Variants in RSRP1 observed in about 807,000 individuals in gnomAD.
The protein encoded by RSRP1 is arginine/serine-rich protein 1.
RSRP1 carries 37 observed loss-of-function variants against 33.0 expected under a neutral mutation model. That is an observed-to-expected ratio of 1.12 (90% CI 0.86 to 1.48). The LOEUF (loss-of-function observed/expected upper bound fraction) is 1.48. Ranked by LOEUF, RSRP1 falls within the 40% of genes most tolerant of loss-of-function variation. The pLI is 0.00. For missense variants in RSRP1, 402 were observed against 385.3 expected, an observed-to-expected ratio of 1.04 and a Z score of -0.36; for synonymous variants, 167 against 158.7, an observed-to-expected ratio of 1.05 and a Z score of -0.40.
chr1:25,261,096 G>T (rs187766682), intron 1 of RSRP1, among the ~76,000 whole-genome samples: 1 of 151,662 alleles, frequency 6.6e-6, no homozygotes, highest in African/African-American at 2.4e-5. Context: ...CACCGCACCC[G>T]GCCTCTTTCT....
chr1:25,261,933 A>G (rs1230251427), intron 1 of RSRP1, among the ~76,000 whole-genome samples: 1 of 149,896 alleles, frequency 6.7e-6, no homozygotes, highest in South Asian at 2.1e-4. Flanking sequence ...GATGGTCCCG[A>G]ACTCCTGACC....
intron 1 of RSRP1, among the ~76,000 whole-genome samples, chr1:25,263,258 C>A (rs1330088642): frequency 6.6e-6 from 1 of 151,590 alleles, no homozygotes; most frequent in Non-Finnish European, 1.5e-5. Context: ...GGTGGCCTGG[C>A]CAGGAGCTAG....
At position 25,246,748 on chromosome 1, in the gene RSRP1, C is replaced by T. The variant is rs1321146154; in HGVS notation, c.216G>A (p.Arg72=). Residue 72 remains arginine (R), a synonymous_variant, in exon 2 of 5, where the codon CGG becomes CGA. Transcript: ENST00000243189. The part of the protein sequence containing the change: ...SRSRSRRRHQ[R]KYRRYSRSYS... Reference sequence around the variant, plus strand: ...ATGACCGCGAGTAGCGCCTGTACTTCCGCTGGTGGCGCCTTCGGGAACGGG... The same window carrying T: ...ATGACCGCGAGTAGCGCCTGTACTTTCGCTGGTGGCGCCTTCGGGAACGGG... 6.2e-7 allele frequency: 1 copy of T among 1,609,182 alleles called. No homozygotes were observed. The highest frequency in any genetic ancestry group is 2.2e-5 in the East Asian group (1 of 44,756).
chr1:25,256,044 A>T (rs1340452066), intron 1 of RSRP1, among the ~76,000 whole-genome samples: 1 of 152,092 alleles, frequency 6.6e-6, no homozygotes, highest in Non-Finnish European at 1.5e-5. Flanking sequence ...AATAAAACAA[A>T]TGTGCTCAGA....
rs1433334726 is a variant in RSRP1, at chr1:25,242,707, T to G, written c.757-2A>C. 30 of 1,586,078 alleles carry G rather than the reference T, an allele frequency of 1.9e-5. No individual in the cohort carries two copies. Among genetic ancestry groups the G allele is most frequent in the Non-Finnish European group, 2.6e-5 (30 of 1,165,798 alleles). Reference sequence around the variant, plus strand: ...TTGTATTGGCTTTGCTACAGAATTCTGTAAAAGAACAAATTCAGTCAGCTT... The same window carrying G: ...TTGTATTGGCTTTGCTACAGAATTCGGTAAAAGAACAAATTCAGTCAGCTT... On this transcript the variant is annotated splice_acceptor_variant, in intron 4 of 4. Coordinates refer to ENST00000243189, the MANE Select transcript of RSRP1 (RefSeq NM_020317.5). LOFTEE classifies it high-confidence loss of function.
rs766713626 is a variant in RSRP1, at chr1:25,290,648, CTGGCCACCA to C, written c.-66-43628_-66-43620del. The C allele has an allele frequency of 1.5e-6, 2 of 1,378,242 alleles. 1 individual carries two copies. Among genetic ancestry groups the C allele is most frequent in the Non-Finnish European group, 2.0e-6 (2 of 977,978 alleles). 85.4% of individuals were successfully genotyped at this position (1,378,242 alleles called of 1,614,324 possible). A position where few individuals can be genotyped will look rare whatever the true frequency, so the allele number is the denominator to read the frequency against. On this transcript the variant is annotated intron_variant, in intron 1 of 1. Transcript: ENST00000561867. ...TCTCCCTCTCTCCCCCAGTATTCGG[CTGGCCACCA>C]TGAGTGCTTTGTCGGTGCTGATCTC...
chr1:25,263,664 T>C (rs902065218), intron 1 of RSRP1, among the ~76,000 whole-genome samples: 4 of 151,612 alleles, frequency 2.6e-5, no homozygotes, highest in Admixed American at 1.3e-4. Flanking sequence ...ATTCCACCCA[T>C]GGCCCCTCCC....
intron 3 of RSRP1, chr1:25,244,909 C>T (rs754042051): frequency 7.7e-5 from 104 of 1,346,840 alleles, no homozygotes; most frequent in Non-Finnish European, 9.5e-5. Flanking sequence ...GTCTTGAACT[C>T]CTGGACTCAA....
At chr1:25,277,929 C>A (rs1258809404) in intron 1 of RSRP1, among the ~76,000 whole-genome samples, 1 of 133,348 alleles carries the variant, frequency 7.5e-6, no homozygotes, top group Non-Finnish European at 1.8e-5. Flanking sequence ...CCGCCTTGGC[C>A]TCCCAAAGTG....
chr1:25,278,223 T>A (rs1489542714), intron 1 of RSRP1, among the ~76,000 whole-genome samples: 1 of 129,638 alleles, frequency 7.7e-6, no homozygotes, highest in Non-Finnish European at 1.8e-5. Flanking sequence ...TGGCTGCAGA[T>A]GTATGATTTG....
At position 25,318,762 on chromosome 1, in the gene RSRP1, T is replaced by C. The variant is rs1185721062; in HGVS notation, c.-67+19216A>G. Among the ~76,000 whole-genome samples, 5 of 132,530 alleles carry C rather than the reference T, an allele frequency of 3.8e-5. 1 individual carries two copies. Among genetic ancestry groups the C allele is most frequent in the South Asian group, 2.3e-4 (1 of 4,364 alleles). 86.9% of individuals were successfully genotyped at this position (132,530 alleles called of 152,430 possible). ...TTGTGTGACGTTGGGCATGTCACTT[T>C]ACTCCCTCTGAGCCTTGGTTAGCTT... On this transcript the variant is annotated intron_variant, in intron 1 of 1. Coordinates refer to the RSRP1 transcript ENST00000561867.
chr1:25,271,816 A>G lies in RSRP1; in HGVS notation c.-66-24787T>C, dbSNP rs370567966. On this transcript the variant is annotated intron_variant, in intron 1 of 1. Coordinates refer to the RSRP1 transcript ENST00000561867. ...TCCTGGGCTGCCCTGTGAGGAGGTG[A>G]CCAGAGGTAGAGCAACTTCACCCTA... Among the ~76,000 whole-genome samples the G allele has an allele frequency of 3.0e-5, 4 of 131,382 alleles. No individual in the cohort carries two copies. The East Asian group carries it at 5.9e-4, about 19-fold the overall frequency. The allele number at this position is 131,382 out of a possible 152,430, so 86.2% of individuals were successfully genotyped here.
chr1:25,321,385 G>C (rs1644690528), intron 1 of RSRP1, among the ~76,000 whole-genome samples: 1 of 124,512 alleles, frequency 8.0e-6, no homozygotes, highest in Admixed American at 8.0e-5. Context: ...AATCGGCCAG[G>C]TGTGGTGGCT....
rs140641735 is a variant in RSRP1 at position 25,271,199 on chromosome 1, T to G, written c.-66-24170A>C. Among the ~76,000 whole-genome samples, 6 of 132,632 alleles carry G rather than the reference T, an allele frequency of 4.5e-5. No homozygotes were observed. In the East Asian group the frequency reaches 1.2e-3, roughly 26 times the overall value. The allele number at this position is 132,632 out of a possible 152,430, so 87.0% of individuals were successfully genotyped here. A position where few individuals can be genotyped will look rare whatever the true frequency, so the allele number is the denominator to read the frequency against. On this transcript the variant is annotated intron_variant, in intron 1 of 1. Coordinates refer to the RSRP1 transcript ENST00000561867. ...AAAGCTGCACTGAGCAAGAAGTGAC[T>G]GATGCCAAGTGACTAGATGACCTTA...
At chr1:25,243,749 T>G (rs1639102602) in intron 3 of RSRP1, 116 bp from the exon 4 acceptor site, 1 of 1,471,608 alleles carries the variant, frequency 6.8e-7, no homozygotes, top group Non-Finnish European at 9.0e-7. Context: ...AAAATCAACT[T>G]GGATCTAACA....
At chr1:25,283,453 C>T (rs1641675257) in intron 1 of RSRP1, among the ~76,000 whole-genome samples, 1 of 130,836 alleles carries the variant, frequency 7.6e-6, no homozygotes, top group African/African-American at 2.6e-5. Context: ...ATCACTTGAA[C>T]CCAGGAGGCA....
At chr1:25,260,420 T>G (rs1052445436) in intron 1 of RSRP1, among the ~76,000 whole-genome samples, 1 of 152,080 alleles carries the variant, frequency 6.6e-6, no homozygotes, top group African/African-American at 2.4e-5. Context: ...CAAACTCACA[T>G]AATTTTACAG....
rs540174670 is a variant in RSRP1, at chr1:25,307,436, C to T, written c.-67+30542G>A. Among the ~76,000 whole-genome samples the T allele has an allele frequency of 7.6e-5, 10 of 131,956 alleles. 2 individuals are homozygous for T. The highest frequency in any genetic ancestry group is 2.9e-4 in the Admixed American group (4 of 13,582). 86.6% of individuals were successfully genotyped at this position (131,956 alleles called of 152,430 possible). ...ATAAAATGAAAAAGTGAATTGGGCA[C>T]GATACAGGGATAGATTTTTAGAGAT... On this transcript the variant is annotated intron_variant, in intron 1 of 1. Transcript: ENST00000561867.
In RSRP1 at chr1:25,278,441, T is replaced by C. The variant is rs527345955; in HGVS notation, c.-66-31412A>G. ...AAATAGTAACCTTTTAATTTACTCA[T>C]GATCATGATTCTGTGGTGCAACAAC... On this transcript the variant is annotated intron_variant, in intron 1 of 1. Coordinates refer to the RSRP1 transcript ENST00000561867. Among the ~76,000 whole-genome samples the C allele has an allele frequency of 7.6e-5, 10 of 131,846 alleles. 1 individual carries two copies. The South Asian group carries it at 2.4e-3, about 31-fold the overall frequency. 86.5% of individuals were successfully genotyped at this position (131,846 alleles called of 152,430 possible).
Sources: gnomAD v4.1 joint callset for allele counts (sites outside exome capture counted in the v4.1 genomes callset) on GRCh38, gnomAD v4.1.1 for gene constraint, MANE v1.5 for transcripts, NCBI Gene and HGNC (gene_info 2026-07-23, HGNC 2026-07-21) for gene names.